PCDHGB2: variants seen among roughly 807,000 people sequenced by gnomAD.
PCDHGB2 encodes the protein protocadherin gamma-B2.
In PCDHGB2, 55 loss-of-function variants were observed where a neutral mutation model predicts 59.3. That is an observed-to-expected ratio of 0.93 (90% CI 0.75 to 1.16). PCDHGB2 has a LOEUF of 1.16. Among genes scored for constraint, PCDHGB2 ranks in the 50% most tolerant of loss-of-function variants. The probability of loss-of-function intolerance (pLI) is 0.00; values close to 1 mark genes in which losing one functional copy is unlikely to be tolerated. For synonymous variants in PCDHGB2, 516 were observed against 512.0 expected (o/e 1.01, Z -0.11); for missense variants, 1,228 against 1,198.5 (o/e 1.02, Z -0.36).
At chr5:141,377,095 T>G (rs887467044) in intron 1 of PCDHGB2, 5 of 152,298 alleles carry the variant, frequency 3.3e-5, no homozygotes, top group Non-Finnish European at 7.3e-5. Context: ...GTTTTTCTTT[T>G]ATATCAAAAG....
At position 141,511,262 on chromosome 5, in the gene PCDHGB2, G is replaced by A; in HGVS notation, c.*89G>A. 1 of 1,556,036 alleles carries A rather than the reference G, an allele frequency of 6.4e-7. No individual in the cohort carries two copies. The highest frequency in any genetic ancestry group is 8.7e-7 in the Non-Finnish European group (1 of 1,150,444). On this transcript the variant is annotated 3_prime_UTR_variant, in exon 4 of 4. Transcript: ENST00000522605. ...TGCACCCAGGCCTCAGAGTTTCAGG[G>A]CTAACCCCCAGAATACTGGTAGGGG...
At chr5:141,370,694 G>A (rs1213038173) in intron 1 of PCDHGB2, 20 of 1,613,794 alleles carry the variant, frequency 1.2e-5, no homozygotes, top group Non-Finnish European at 1.6e-5. Flanking sequence ...GCAAGAAGTC[G>A]ACGTGTGTTC....
intron 1 of PCDHGB2, chr5:141,375,203 C>T (rs1346536726): frequency 4.3e-6 from 7 of 1,613,912 alleles, no homozygotes; most frequent in Non-Finnish European, 5.1e-6. Flanking sequence ...AGTGTTCGAT[C>T]GAGACTCTGG....
intron 1 of PCDHGB2, among the ~76,000 whole-genome samples, chr5:141,430,347 A>C (rs2097274758): frequency 6.6e-6 from 1 of 151,944 alleles, no homozygotes; most frequent in Non-Finnish European, 1.5e-5. Flanking sequence ...CTTCCAATTC[A>C]TTTAAAAGCT....
At chr5:141,507,442 C>T (rs748782097) in intron 3 of PCDHGB2, among the ~76,000 whole-genome samples, 1 of 152,162 alleles carries the variant, frequency 6.6e-6, no homozygotes, top group African/African-American at 2.4e-5. Flanking sequence ...CTACAGCTGA[C>T]GGAAGGACAG....
In PCDHGB2 at chr5:141,408,035, C is replaced by T. The variant is rs886766467; in HGVS notation, c.2421+45479C>T. On this transcript the variant is annotated intron_variant, in intron 1 of 3. Transcript: ENST00000522605. ...CAGCCAACAACAGAAAGAAGAAAAC[C>T]AGCTCCCACACAGAGCCTCCCGGCT... 7.1e-6 allele frequency: 8 copies of T among 1,130,910 alleles called. No homozygotes were observed. The African/African-American group carries it at 7.8e-5, about 11-fold the overall frequency. 70.1% of individuals were successfully genotyped at this position (1,130,910 alleles called of 1,614,324 possible).
chr5:141,420,089 A>G lies in PCDHGB2; in HGVS notation c.2421+57533A>G. On this transcript the variant is annotated intron_variant, in intron 1 of 3. Transcript: ENST00000522605. The stretch of plus-strand genomic sequence containing the variant: ...CGGACCTGTGGGTCCCCCCAACTAC[A>G]GTGAGGGAACGTTGCCCTATGCCTA... 2.5e-6 allele frequency: 4 copies of G among 1,613,986 alleles called. No individual in the cohort carries two copies. Among genetic ancestry groups the G allele is most frequent in the Middle Eastern group, 1.6e-4 (1 of 6,062 alleles).
intron 1 of PCDHGB2, among the ~76,000 whole-genome samples, chr5:141,459,176 T>C (rs2098962762): frequency 6.6e-6 from 1 of 152,210 alleles, no homozygotes. Context: ...CTTCAAAAGT[T>C]CCCTCATGCC....
intron 1 of PCDHGB2, chr5:141,475,956 G>T (rs2099382674): frequency 2.5e-6 from 2 of 805,186 alleles, no homozygotes; most frequent in South Asian, 1.9e-5. Flanking sequence ...TCTGCGCCCC[G>T]GGATGAGGCA....
chr5:141,400,144 G>A, intron 1 of PCDHGB2: 1 of 1,614,068 alleles, frequency 6.2e-7, no homozygotes, highest in Non-Finnish European at 8.5e-7. Context: ...GGATATCACT[G>A]ACCGCCCTGT....
chr5:141,485,563 C>A lies in PCDHGB2; in HGVS notation c.2422-9244C>A. 2 of 1,612,904 alleles carry A rather than the reference C, an allele frequency of 1.2e-6. No individual in the cohort carries two copies. The highest frequency in any genetic ancestry group is 1.7e-6 in the Non-Finnish European group (2 of 1,179,034). ...AGATCGTAGATGTGAATGATCACGC[C>A]CCCCGTTTTCCGCGGCAGCAGCTGG... On this transcript the variant is annotated intron_variant, in intron 1 of 3. Coordinates refer to ENST00000522605, the MANE Select transcript of PCDHGB2 (RefSeq NM_018923.3). This position sits in a 1 kb window ranked among gnomAD's most constrained non-coding sequence, Gnocchi z 5.7.
intron 1 of PCDHGB2, among the ~76,000 whole-genome samples, chr5:141,363,979 A>G (rs1179984185): frequency 6.6e-6 from 1 of 152,272 alleles, no homozygotes; most frequent in Non-Finnish European, 1.5e-5. Flanking sequence ...GCTATTCAGA[A>G]TTAAAGCTGA....
Position 141,491,458 on chromosome 5 carries a change from G to C in PCDHGB2, c.2422-3349G>C. 1 of 1,614,092 alleles carries C rather than the reference G, an allele frequency of 6.2e-7. No individual in the cohort carries two copies. The highest frequency in any genetic ancestry group is 8.5e-7 in the Non-Finnish European group (1 of 1,180,022). On this transcript the variant is annotated intron_variant, in intron 1 of 3. Coordinates refer to ENST00000522605, the MANE Select transcript of PCDHGB2 (RefSeq NM_018923.3). The surrounding 1 kb of genome is among the most constrained non-coding windows in gnomAD (Gnocchi z 6.9). Reference sequence around the variant, plus strand: ...CAGGCGCCAGGACTCACCCTCCCCGGACTTCTATAAGCAGTCCAGCCCCAA... The same window carrying C: ...CAGGCGCCAGGACTCACCCTCCCCGCACTTCTATAAGCAGTCCAGCCCCAA...
Position 141,432,039 on chromosome 5 carries a change from G to C in PCDHGB2, c.2422-62768G>C. ...AACATCACAGTGACCGCCACTGACC[G>C]GGGAACCCCGCCCCTATCCACGGAA... On this transcript the variant is annotated intron_variant, in intron 1 of 3. Transcript: ENST00000522605. This position sits in a 1 kb window ranked among gnomAD's most constrained non-coding sequence, Gnocchi z 6.0. 6.2e-7 allele frequency: 1 copy of C among 1,614,176 alleles called. No homozygotes were observed. Among genetic ancestry groups the C allele is most frequent in the Non-Finnish European group, 8.5e-7 (1 of 1,180,028 alleles).
At chr5:141,413,355 C>G in intron 1 of PCDHGB2, 1 of 1,613,952 alleles carries the variant, frequency 6.2e-7, no homozygotes, top group Non-Finnish European at 8.5e-7. Context: ...GTCTGGCGCC[C>G]CGGGAGCTGG....
At chr5:141,390,475 A>G (rs1355918266) in intron 1 of PCDHGB2, 1 of 686,634 alleles carries the variant, frequency 1.5e-6, no homozygotes, top group Admixed American at 3.0e-5. Context: ...TGTGTGGCCC[A>G]ACATTTGTTT....
chr5:141,366,374 A>T, intron 1 of PCDHGB2: 3 of 1,614,052 alleles, frequency 1.9e-6, no homozygotes, highest in South Asian at 2.2e-5. Context: ...CAAGACCCCC[A>T]TTGACCCTGA....
In PCDHGB2 at chr5:141,512,133, G is replaced by A. The variant is rs1394116556; in HGVS notation, c.*960G>A. ...CCACTACATAATAGGGCTCAGCCCA[G>A]GCAGCCAGCTTTGGGCTGAGCTAAC... On this transcript the variant is annotated 3_prime_UTR_variant, in exon 4 of 4. Coordinates refer to ENST00000522605, the MANE Select transcript of PCDHGB2 (RefSeq NM_018923.3). 3 of 152,708 alleles carry A rather than the reference G, an allele frequency of 2.0e-5. No homozygotes were observed. Among genetic ancestry groups the A allele is most frequent in the Non-Finnish European group, 2.9e-5 (2 of 68,102 alleles). 9.5% of individuals were successfully genotyped at this position (152,708 alleles called of 1,614,324 possible).
rs777293240 is a variant in PCDHGB2, at chr5:141,393,034, T to A, written c.2421+30478T>A. The A allele has an allele frequency of 1.3e-5, 21 of 1,613,636 alleles. No homozygotes were observed. Among genetic ancestry groups the A allele is most frequent in the Admixed American group, 6.7e-5 (4 of 59,986 alleles). Reference sequence around the variant, plus strand: ...ATCGTCTCCAGAGGTAGGACGCAGCTCTTTGCTCTGAACCCGCGCAGCGGC... The same window carrying A: ...ATCGTCTCCAGAGGTAGGACGCAGCACTTTGCTCTGAACCCGCGCAGCGGC... On this transcript the variant is annotated intron_variant, in intron 1 of 3. Coordinates refer to ENST00000522605, the MANE Select transcript of PCDHGB2 (RefSeq NM_018923.3).
Sources: allele counts gnomAD v4.1 joint callset (sites outside exome capture counted in the v4.1 genomes callset), GRCh38; gene constraint gnomAD v4.1.1; non-coding constraint Gnocchi (gnomAD v3.1); transcripts MANE v1.5; gene names NCBI Gene and HGNC (gene_info 2026-07-23, HGNC 2026-07-21).